TXNDC5: variants seen among roughly 807,000 people sequenced by gnomAD.
TXNDC5 encodes the protein thioredoxin domain containing 5.
In TXNDC5, 44 loss-of-function variants were observed where a neutral mutation model predicts 52.6. The ratio of observed to expected loss-of-function variants is 0.84; its 90% confidence interval spans 0.66 to 1.08. TXNDC5 has a LOEUF of 1.08. TXNDC5 is among the 50% of genes least tolerant of loss of function. The probability of loss-of-function intolerance (pLI) is 0.00; values close to 1 mark genes in which losing one functional copy is unlikely to be tolerated. For synonymous variants in TXNDC5, 241 were observed against 234.4 expected (o/e 1.03, Z -0.26); for missense variants, 600 against 565.5 (o/e 1.06, Z -0.62).
intron 1 of TXNDC5, among the ~76,000 whole-genome samples, chr6:7,906,393 G>A (rs146882961): frequency 4.6e-4 from 70 of 151,922 alleles, no homozygotes; most frequent in Admixed American, 7.2e-4. Context: ...AAAATTAGCT[G>A]GGCATGGTGG....
intron 5 of TXNDC5, among the ~76,000 whole-genome samples, chr6:7,889,796 C>T (rs1231286090): frequency 6.6e-6 from 1 of 152,158 alleles, no homozygotes; most frequent in Non-Finnish European, 1.5e-5. Context: ...ACTTTAGAGG[C>T]AAGATTTATT....
intron 2 of TXNDC5, among the ~76,000 whole-genome samples, chr6:7,902,176 A>G (rs1760591580): frequency 6.6e-6 from 1 of 152,196 alleles, no homozygotes; most frequent in Non-Finnish European, 1.5e-5. Context: ...CAGAGGGAGC[A>G]TGACCCTGCT....
chr6:7,895,947 C>T (rs532985350), intron 3 of TXNDC5, among the ~76,000 whole-genome samples: 31 of 152,280 alleles, frequency 2.0e-4, no homozygotes, highest in African/African-American at 7.5e-4. Context: ...GAGCTGAGAA[C>T]ATGCCACTGC....
chr6:7,909,267 T>C (rs992319160), intron 1 of TXNDC5, among the ~76,000 whole-genome samples: 1 of 152,258 alleles, frequency 6.6e-6, no homozygotes, highest in South Asian at 2.1e-4. Context: ...CTTTCCCAAG[T>C]GAGCCTCTAC....
chr6:7,889,575 A>G lies in TXNDC5; in HGVS notation c.739T>C (p.Cys247Arg). 2 of 1,608,096 alleles carry G rather than the reference A, an allele frequency of 1.2e-6. No individual in the cohort carries two copies. Among genetic ancestry groups the G allele is most frequent in the South Asian group, 1.1e-5 (1 of 90,876 alleles). Residue 247 changes from cysteine (C) to arginine (R), a missense_variant, in exon 6 of 10, where the codon TGT becomes CGT. Physicochemically the swap from Cys to Arg is radical, Grantham distance 180. Coordinates refer to ENST00000379757, the MANE Select transcript of TXNDC5 (RefSeq NM_030810.5). Reference sequence around the variant, plus strand: ...GAGCAGAGTTCATAGTGCTGTGTACAATCAACCTGAGAATAAAAGCAGATC... The same window carrying G: ...GAGCAGAGTTCATAGTGCTGTGTACGATCAACCTGAGAATAAAAGCAGATC... ...SETVKIGKVD[C>R]TQHYELCSGN...
chr6:7,910,657 C>T lies in TXNDC5; in HGVS notation c.120G>A (p.Glu40=), dbSNP rs1266917575. 1 of 1,248,838 alleles carries T rather than the reference C, an allele frequency of 8.0e-7. No individual in the cohort carries two copies. Among genetic ancestry groups the T allele is most frequent in the Admixed American group, 3.5e-5 (1 of 28,680 alleles). 77.4% of individuals were successfully genotyped at this position (1,248,838 alleles called of 1,614,324 possible). A position where few individuals can be genotyped will look rare whatever the true frequency, so the allele number is the denominator to read the frequency against. ...GCCCGTCCGCCGCCGCCGCCGCCGC[C>T]TCCTGGGCCCGGGCGCCCCAGCGCC... The part of the protein sequence containing the change: ...GGGRWGARAQ[E]AAAAAADGPP... The change falls in exon 1 of 10, where the codon GAG becomes GAA. Residue 40 remains glutamate (E), a synonymous_variant. Transcript: ENST00000379757.
Position 7,883,029 on chromosome 6 carries a change from A to G in TXNDC5, c.*115T>C. 1 of 1,390,626 alleles carries G rather than the reference A, an allele frequency of 7.2e-7. No individual in the cohort carries two copies. The highest frequency in any genetic ancestry group is 1.0e-6 in the Non-Finnish European group (1 of 1,001,304). The allele number at this position is 1,390,626 out of a possible 1,614,324, so 86.1% of individuals were successfully genotyped here. A position where few individuals can be genotyped will look rare whatever the true frequency, so the allele number is the denominator to read the frequency against. On this transcript the variant is annotated 3_prime_UTR_variant, in exon 10 of 10. Coordinates refer to ENST00000379757, the MANE Select transcript of TXNDC5 (RefSeq NM_030810.5). ...CACACAAAGAAGATACCTCACGCTTAGTATGTTCTGCTTTCTGAACAGCCA... is the reference window on the plus strand; with the variant it reads ...CACACAAAGAAGATACCTCACGCTTGGTATGTTCTGCTTTCTGAACAGCCA...
At chr6:7,908,992 T>C (rs1760821756) in intron 1 of TXNDC5, among the ~76,000 whole-genome samples, 1 of 152,254 alleles carries the variant, frequency 6.6e-6, no homozygotes, top group Admixed American at 6.5e-5. Flanking sequence ...GATTGTTTTA[T>C]GTTACAAAGT....
chr6:7,910,328 G>A (rs1206008575), intron 1 of TXNDC5, among the ~76,000 whole-genome samples, 186 bp downstream of exon 1: 6 of 149,352 alleles, frequency 4.0e-5, no homozygotes, highest in Non-Finnish European at 7.4e-5. Context: ...CGCGCTCCCG[G>A]CCCCGCGCCC....
In TXNDC5 at chr6:7,888,272, C is replaced by T. The variant is rs372076843; in HGVS notation, c.963+433G>A. Among the ~76,000 whole-genome samples the T allele has an allele frequency of 2.0e-5, 3 of 152,164 alleles. No homozygotes were observed. In the East Asian group the frequency reaches 5.8e-4, roughly 29 times the overall value. On this transcript the variant is annotated intron_variant, in intron 7 of 9. Transcript: ENST00000379757. ...ATCGCTGCGGATGCCCTCTTGGCTA[C>T]AGGTCTTCTAGGGGCCTTTACAACG...
chr6:7,886,954 A>G (rs1760003088), intron 7 of TXNDC5, among the ~76,000 whole-genome samples: 1 of 152,196 alleles, frequency 6.6e-6, no homozygotes, highest in Non-Finnish European at 1.5e-5. Context: ...ACTGCATTAT[A>G]AATAGAAATG....
intron 1 of TXNDC5, among the ~76,000 whole-genome samples, chr6:7,906,534 T>TG (rs1344697713): frequency 3.2e-5 from 1 of 31,658 alleles, no homozygotes; most frequent in Non-Finnish European, 4.8e-5. Context: ...AGACTCCATC[T>TG]CAAAAAAAAA....
At chr6:7,909,671 T>C (rs1760847786) in intron 1 of TXNDC5, 1 of 671,222 alleles carries the variant, frequency 1.5e-6, no homozygotes, top group South Asian at 6.6e-5. Context: ...GTTCAGAGAT[T>C]ACATCCACCC....
At chr6:7,899,195 T>C (rs1760477645) in intron 3 of TXNDC5, among the ~76,000 whole-genome samples, 1 of 152,162 alleles carries the variant, frequency 6.6e-6, no homozygotes, top group African/African-American at 2.4e-5. Context: ...CCTGTGACAG[T>C]GGCAGGGTGG....
chr6:7,894,897 G>A (rs759275050), intron 4 of TXNDC5: 11 of 985,396 alleles, frequency 1.1e-5, no homozygotes, highest in East Asian at 1.1e-4. Context: ...CATTAGACTC[G>A]GCGTTTCTAT....
chr6:7,901,870 G>C (rs1186283988), intron 2 of TXNDC5, among the ~76,000 whole-genome samples: 1 of 152,210 alleles, frequency 6.6e-6, no homozygotes, highest in African/African-American at 2.4e-5. Flanking sequence ...ACTGTGTCCT[G>C]CAAGACAGAT....
chr6:7,883,361 G>A (rs1009396518), intron 9 of TXNDC5, 95 bp from the exon 10 acceptor site: 1 of 1,569,140 alleles, frequency 6.4e-7, no homozygotes, highest in African/African-American at 1.4e-5. Flanking sequence ...TACCGTTGTG[G>A]CTGGAAAAAT....
chr6:7,890,355 C>CGG (rs142251066), intron 5 of TXNDC5, among the ~76,000 whole-genome samples: 2,114 of 152,192 alleles, frequency 0.014, 36 homozygotes, highest in African/African-American at 0.048. Context: ...AGCTAAGGTG[C>CGG]GGAACTGAAG....
At position 7,882,951 on chromosome 6, in the gene TXNDC5, G is replaced by A. The variant is rs992883043; in HGVS notation, c.*193C>T. 1 of 664,296 alleles carries A rather than the reference G, an allele frequency of 1.5e-6. No homozygotes were observed. The highest frequency in any genetic ancestry group is 1.8e-5 in the African/African-American group (1 of 55,296). The allele number at this position is 664,296 out of a possible 1,614,324, so 41.2% of individuals were successfully genotyped here. A position where few individuals can be genotyped will look rare whatever the true frequency, so the allele number is the denominator to read the frequency against. ...TGACCATGAGTTACACATTTACTTA[G>A]AGAAACTTAACTTAATAAAGAATCT... On this transcript the variant is annotated 3_prime_UTR_variant, in exon 10 of 10. Transcript: ENST00000379757.
Sources: gnomAD v4.1 joint callset for allele counts (sites outside exome capture counted in the v4.1 genomes callset) on GRCh38, gnomAD v4.1.1 for gene constraint, MANE v1.5 for transcripts, NCBI Gene and HGNC (gene_info 2026-07-23, HGNC 2026-07-21) for gene names.